Variants in ZNF804B observed in about 807,000 individuals in gnomAD.
The protein encoded by ZNF804B is zinc finger protein 804B, also known as zinc finger 804B.
In ZNF804B, 80 loss-of-function variants were observed where a neutral mutation model predicts 101.4. The ratio of observed to expected loss-of-function variants is 0.79; its 90% CI spans 0.66 to 0.95. ZNF804B has a LOEUF of 0.95. ZNF804B is among the 40% of genes least tolerant of loss of function. The pLI, the probability that ZNF804B is intolerant of heterozygous loss-of-function variation, is 0.00. For synonymous variants in ZNF804B, 622 were observed against 558.8 expected (o/e 1.11, Z -1.59); for missense variants, 1,673 against 1,561.9 (o/e 1.07, Z -1.20).
chr7:89,144,682 CATA>C (rs1385487990), intron 1 of ZNF804B, among the ~76,000 whole-genome samples: 2 of 151,696 alleles, frequency 1.3e-5, no homozygotes. Context: ...AAATTGCTAA[CATA>C]ATAGATTTTA....
intron 1 of ZNF804B, among the ~76,000 whole-genome samples, chr7:88,852,976 C>T (rs934622115): frequency 6.6e-6 from 1 of 152,064 alleles, no homozygotes; most frequent in African/African-American, 2.4e-5. Flanking sequence ...TTCCTCTCCT[C>T]CAACCCATTT....
chr7:89,280,687 C>A (rs1208871), intron 2 of ZNF804B, among the ~76,000 whole-genome samples: 1 of 152,046 alleles, frequency 6.6e-6, no homozygotes, highest in Admixed American at 6.5e-5. Context: ...CACATACACT[C>A]TCCCAAGACT....
In ZNF804B at chr7:89,119,840, A is replaced by G. The variant is rs1790372756; in HGVS notation, c.109-98315A>G. 2.6e-5 allele frequency among the ~76,000 whole-genome samples: 4 copies of G among 152,342 alleles called. No homozygotes were observed. In the South Asian group the frequency reaches 8.3e-4, roughly 32 times the overall value. ...ATCAATTAAAAATACATAATTAAAAAAATACGTGTTTTAAATGAGTTTCTA... is the reference window on the plus strand; with the variant it reads ...ATCAATTAAAAATACATAATTAAAAGAATACGTGTTTTAAATGAGTTTCTA... On this transcript the variant is annotated intron_variant, in intron 1 of 3. Transcript: ENST00000333190.
chr7:88,948,114 T>C (rs1379268239), intron 1 of ZNF804B, among the ~76,000 whole-genome samples: 2 of 151,822 alleles, frequency 1.3e-5, no homozygotes, highest in Admixed American at 6.6e-5. Flanking sequence ...CAGGAGACTT[T>C]CCAGATCTCC....
chr7:88,887,668 A>G lies in ZNF804B; in HGVS notation c.108+127584A>G, dbSNP rs150899081. On this transcript the variant is annotated intron_variant, in intron 1 of 3. Transcript: ENST00000333190. Reference sequence around the variant, plus strand: ...ATAATGAGCCCTTTCCATATATTCTAATTGTGAATCTTGATCATAATTATA... The same window carrying G: ...ATAATGAGCCCTTTCCATATATTCTGATTGTGAATCTTGATCATAATTATA... Among the ~76,000 whole-genome samples the G allele has an allele frequency of 2.0e-5, 3 of 152,116 alleles. No homozygotes were observed. The East Asian group carries it at 5.8e-4, about 29-fold the overall frequency.
At chr7:89,297,815 A>G (rs774295048) in intron 2 of ZNF804B, among the ~76,000 whole-genome samples, 6 of 151,852 alleles carry the variant, frequency 4.0e-5, no homozygotes, top group Non-Finnish European at 7.4e-5. Flanking sequence ...TTGAAGAGTA[A>G]GGACATTATT....
intron 1 of ZNF804B, among the ~76,000 whole-genome samples, chr7:89,039,122 T>A (rs542388036): frequency 6.6e-6 from 1 of 152,198 alleles, no homozygotes; most frequent in African/African-American, 2.4e-5. Flanking sequence ...GGCTGTGTTC[T>A]TTTTTCTTAA....
At chr7:88,917,255 ACT>A (rs1792648091) in intron 1 of ZNF804B, among the ~76,000 whole-genome samples, 2 of 152,034 alleles carry the variant, frequency 1.3e-5, no homozygotes, top group South Asian at 4.2e-4. Context: ...ACAGGATAAG[ACT>A]CTGTCTCAAA....
At chr7:89,199,843 GTA>G (rs1788604825) in intron 1 of ZNF804B, among the ~76,000 whole-genome samples, 1 of 148,312 alleles carries the variant, frequency 6.7e-6, no homozygotes, top group African/African-American at 2.5e-5. Context: ...ATGTGTGTGT[GTA>G]TATATAATAT....
At chr7:88,798,767 T>G (rs954301868) in intron 1 of ZNF804B, among the ~76,000 whole-genome samples, 2 of 152,132 alleles carry the variant, frequency 1.3e-5, no homozygotes, top group Admixed American at 1.3e-4. Context: ...GTAATTAGAA[T>G]TGTACACTCT....
intron 1 of ZNF804B, among the ~76,000 whole-genome samples, chr7:88,760,931 A>AAT (rs1191647729): frequency 2.5e-4 from 35 of 138,792 alleles, no homozygotes; most frequent in Non-Finnish European, 3.1e-4. Flanking sequence ...ATATATAATA[A>AAT]ATATATATAT....
intron 1 of ZNF804B, among the ~76,000 whole-genome samples, chr7:89,021,565 A>G (rs568348899): frequency 1.2e-4 from 19 of 152,276 alleles, no homozygotes; most frequent in Admixed American, 1.0e-3. Flanking sequence ...GGGCACAGGT[A>G]CATCACTGCT....
chr7:89,088,289 A>G (rs373833339), intron 1 of ZNF804B, among the ~76,000 whole-genome samples: 2 of 152,108 alleles, frequency 1.3e-5, no homozygotes, highest in East Asian at 1.9e-4. Context: ...AAGGGAAATG[A>G]CATGTAAATA....
At chr7:89,272,374 G>A (rs780794970) in intron 2 of ZNF804B, among the ~76,000 whole-genome samples, 18 of 151,846 alleles carry the variant, frequency 1.2e-4, no homozygotes, top group Non-Finnish European at 1.8e-4. Context: ...TACTTCACAG[G>A]CAAATTCAAG....
At chr7:89,052,452 G>A (rs1237829966) in intron 1 of ZNF804B, among the ~76,000 whole-genome samples, 8 of 152,144 alleles carry the variant, frequency 5.3e-5, no homozygotes, top group Non-Finnish European at 8.8e-5. Context: ...AAAACAAGAA[G>A]TAATTAAAAT....
intron 1 of ZNF804B, among the ~76,000 whole-genome samples, chr7:89,190,956 T>C (rs893418656): frequency 9.2e-5 from 14 of 152,170 alleles, no homozygotes; most frequent in Non-Finnish European, 1.3e-4. Flanking sequence ...AATAGAACTT[T>C]TATGTGCACA....
intron 1 of ZNF804B, among the ~76,000 whole-genome samples, chr7:88,828,166 CCTTT>C (rs757407618): frequency 2.7e-4 from 41 of 152,160 alleles, no homozygotes; most frequent in Middle Eastern, 3.4e-3. Context: ...TGCCATATCC[CCTTT>C]CTATTTTTTA....
At chr7:88,903,482 G>T (rs931911998) in intron 1 of ZNF804B, among the ~76,000 whole-genome samples, 3 of 152,162 alleles carry the variant, frequency 2.0e-5, no homozygotes, top group African/African-American at 7.2e-5. Context: ...TACTGGGATT[G>T]CTGTGTTGAA....
At chr7:89,076,295 C>T (rs1789614345) in intron 1 of ZNF804B, among the ~76,000 whole-genome samples, 1 of 152,100 alleles carries the variant, frequency 6.6e-6, no homozygotes. Flanking sequence ...GGGAGGAACC[C>T]AGTGGGCGGG....
Sources: gnomAD v4.1 joint callset for allele counts (sites outside exome capture counted in the v4.1 genomes callset) on GRCh38, gnomAD v4.1.1 for gene constraint, MANE v1.5 for transcripts, NCBI Gene and HGNC (gene_info 2026-07-23, HGNC 2026-07-21) for gene names.